Variants in ANAPC1 observed in about 807,000 individuals in gnomAD.
ANAPC1 encodes anaphase-promoting complex subunit 1.
ANAPC1 carries 36 observed loss-of-function variants against 208.0 expected under a neutral mutation model. The observed-to-expected ratio is 0.17, with a 90% CI of 0.13 to 0.23. The LOEUF (loss-of-function observed/expected upper bound fraction) is 0.23, where lower values mean the gene tolerates loss of function less well. ANAPC1 is among the 10% of genes least tolerant of loss of function. The pLI, the probability that ANAPC1 is intolerant of heterozygous loss-of-function variation, is 1.00. For missense variants in ANAPC1, 942 were observed against 2,011.6 expected, an observed-to-expected ratio of 0.47 and a Z score of 10.17; for synonymous variants, 378 against 695.2, an observed-to-expected ratio of 0.54 and a Z score of 7.18.
chr2:111,868,680 G>A (rs182255935), intron 6 of ANAPC1, among the ~76,000 whole-genome samples: 247 of 152,168 alleles, frequency 1.6e-3, no homozygotes, highest in Non-Finnish European at 3.0e-3. Flanking sequence ...ACAGGCACAC[G>A]CCACCACGCC....
At chr2:111,879,959 T>A in intron 2 of ANAPC1, among the ~76,000 whole-genome samples, 1 of 152,182 alleles carries the variant, frequency 6.6e-6, no homozygotes, top group East Asian at 1.9e-4. Flanking sequence ...CAGCAGGGAC[T>A]ACTTCTAATC....
In ANAPC1 at chr2:111,784,368, T is replaced by C; in HGVS notation, c.4950A>G (p.Glu1650=). 1 of 1,613,992 alleles carries C rather than the reference T, an allele frequency of 6.2e-7. No individual in the cohort carries two copies. Among genetic ancestry groups the C allele is most frequent in the Non-Finnish European group, 8.5e-7 (1 of 1,179,856 alleles). Residue 1650 remains glutamate, a synonymous_variant, in exon 41 of 48, where the codon GAA becomes GAG. Coordinates refer to ENST00000341068, the MANE Select transcript of ANAPC1 (RefSeq NM_022662.4). The part of the protein sequence containing the change: ...GTQWYEQTKE[E]LMAPTLLPEL... The stretch of plus-strand genomic sequence containing the variant: ...CTGGAAGAAGGGTAGGAGCCATCAA[T>C]TCTTCTTTGGTTTGTTCATACCACT...
chr2:111,782,285 C>T (rs1677326120), intron 43 of ANAPC1, 84 bp downstream of exon 43: 2 of 1,546,188 alleles, frequency 1.3e-6, no homozygotes, highest in South Asian at 1.2e-5. Context: ...GGAAGCAGAT[C>T]CACCTTTGAA....
intron 6 of ANAPC1, 86 bp from the exon 7 acceptor site, chr2:111,868,182 G>C (rs1573504156): frequency 1.5e-6 from 1 of 661,460 alleles, no homozygotes; most frequent in East Asian, 3.5e-5. Flanking sequence ...GAAATCTCCA[G>C]ATTACATGAG....
rs1031735697 is a variant in ANAPC1 at position 111,819,213 on chromosome 2, C to T, written c.3207-255G>A. 3.0e-6 allele frequency: 3 copies of T among 984,572 alleles called. No homozygotes were observed. In the African/African-American group the frequency reaches 5.3e-5, roughly 17 times the overall value. The allele number at this position is 984,572 out of a possible 1,614,324, so 61.0% of individuals were successfully genotyped here. A position where few individuals can be genotyped will look rare whatever the true frequency, so the allele number is the denominator to read the frequency against. On this transcript the variant is annotated intron_variant, in intron 26 of 47. Transcript: ENST00000341068. The stretch of plus-strand genomic sequence containing the variant: ...TTACATTGAATGAAAACCACCTGGC[C>T]TATAAACCCAGCCGACTCTCTCTAG...
chr2:111,859,842 A>G (rs1267588374), intron 10 of ANAPC1, among the ~76,000 whole-genome samples: 1 of 152,120 alleles, frequency 6.6e-6, no homozygotes, highest in Non-Finnish European at 1.5e-5. Flanking sequence ...TCCATCAATC[A>G]TTTCCTCTGT....
chr2:111,815,021 TC>T (rs1425166279), intron 28 of ANAPC1, among the ~76,000 whole-genome samples: 2 of 144,502 alleles, frequency 1.4e-5, no homozygotes, highest in Non-Finnish European at 3.1e-5. Flanking sequence ...AGCATGTACC[TC>T]CCCCATTTCA....
chr2:111,873,466 C>T lies in ANAPC1; in HGVS notation c.428-58G>A, dbSNP rs1682867980. ...TTTTTTCCCTCAAAGGAGTTCAATC[C>T]TAACAGCACAAATTATTTAATGCAC... On this transcript the variant is annotated intron_variant, in intron 4 of 47. Transcript: ENST00000341068. 3 of 1,566,168 alleles carry T rather than the reference C, an allele frequency of 1.9e-6. No individual in the cohort carries two copies. The Admixed American group carries it at 6.0e-5, about 31-fold the overall frequency.
chr2:111,796,027 G>GTGAT (rs1573343903), intron 34 of ANAPC1, among the ~76,000 whole-genome samples: 2 of 148,448 alleles, frequency 1.3e-5, no homozygotes, highest in Non-Finnish European at 3.0e-5. Flanking sequence ...ATCACTTGAA[G>GTGAT]CCTGGAGTTC....
intron 16 of ANAPC1, among the ~76,000 whole-genome samples, chr2:111,845,705 T>C (rs973735075): frequency 3.9e-5 from 6 of 152,204 alleles, no homozygotes; most frequent in Non-Finnish European, 7.3e-5. Flanking sequence ...CCGGGCGCGG[T>C]GGCTCACGCC....
rs1430914989 is a variant in ANAPC1, at chr2:111,821,285, A to G, written c.3160T>C (p.Tyr1054His). Residue 1054 changes from tyrosine to histidine, a missense_variant, in exon 26 of 48, where the codon TAC becomes CAC. Physicochemically the swap from Tyr to His is moderately conservative, Grantham distance 83 (BLOSUM62 2). Transcript: ENST00000341068. ...AHPVRVNVVQ[Y>H]PELSDHEFIE... ...AACTCGTGGTCACTGAGCTCTGGGT[A>G]CTGCACTACGTTGACACGGACAGGA... is the stretch of plus-strand genomic sequence containing the variant. 1 of 1,612,474 alleles carries G rather than the reference A, an allele frequency of 6.2e-7. No individual in the cohort carries two copies. Among genetic ancestry groups the G allele is most frequent in the East Asian group, 2.2e-5 (1 of 44,872 alleles).
chr2:111,872,609 T>G (rs1343230576), intron 6 of ANAPC1, 21 bp downstream of exon 6: 4 of 1,567,244 alleles, frequency 2.6e-6, no homozygotes, highest in Non-Finnish European at 3.5e-6. Flanking sequence ...AGTAATATTC[T>G]GAAGTGAATA....
At chr2:111,826,965 A>C (rs1280131867) in intron 21 of ANAPC1, among the ~76,000 whole-genome samples, 1 of 152,146 alleles carries the variant, frequency 6.6e-6, no homozygotes, top group African/African-American at 2.4e-5. Flanking sequence ...AGACATTCAC[A>C]TACATGCGGG....
chr2:111,855,016 T>G (rs1681623125), intron 13 of ANAPC1, among the ~76,000 whole-genome samples: 1 of 152,218 alleles, frequency 6.6e-6, no homozygotes, highest in African/African-American at 2.4e-5. Flanking sequence ...GCTTAATCAT[T>G]TCTAGTTTTT....
intron 21 of ANAPC1, 72 bp downstream of exon 21, chr2:111,831,214 A>T: frequency 6.6e-7 from 1 of 1,517,760 alleles, no homozygotes; most frequent in Non-Finnish European, 8.8e-7. Context: ...AAAAAACTTA[A>T]TATCAGGTGT....
chr2:111,867,290 TAAAA>T (rs1283762176), intron 7 of ANAPC1, among the ~76,000 whole-genome samples: 2 of 150,128 alleles, frequency 1.3e-5, no homozygotes, highest in Non-Finnish European at 3.0e-5. Context: ...AACTCTGTCT[TAAAA>T]AAGAAAGAAA....
chr2:111,871,747 C>T lies in ANAPC1; in HGVS notation c.611+883G>A, dbSNP rs1206988689. 4.6e-5 allele frequency among the ~76,000 whole-genome samples: 7 copies of T among 151,948 alleles called. No homozygotes were observed. The South Asian group carries it at 8.3e-4, about 18-fold the overall frequency. ...AGACTGGGCAACAAGAGCAAAACCC[C>T]GTCTCAAAAAAAAAGAGACTGCGTT... is the stretch of plus-strand genomic sequence containing the variant. On this transcript the variant is annotated intron_variant, in intron 6 of 47. Transcript: ENST00000341068.
At chr2:111,875,792 C>T (rs1682995540) in intron 3 of ANAPC1, among the ~76,000 whole-genome samples, 1 of 152,222 alleles carries the variant, frequency 6.6e-6, no homozygotes, top group East Asian at 1.9e-4. Context: ...TCGTGTACAG[C>T]CATTCTGAAG....
chr2:111,866,750 G>T (rs4848208), intron 7 of ANAPC1, among the ~76,000 whole-genome samples: 1 of 142,130 alleles, frequency 7.0e-6, no homozygotes, highest in Non-Finnish European at 1.5e-5. Flanking sequence ...AAAATAAAAC[G>T]ACTAAAAACA....
Sources: allele counts gnomAD v4.1 joint callset (sites outside exome capture counted in the v4.1 genomes callset), GRCh38; gene constraint gnomAD v4.1.1; transcripts MANE v1.5; gene names NCBI Gene and HGNC (gene_info 2026-07-23, HGNC 2026-07-21).